The following LRP1B variants were observed in gnomAD, a reference collection of about 807,000 sequenced individuals.
The protein encoded by LRP1B is low-density lipoprotein receptor-related protein 1B.
LRP1B carries 217 observed loss-of-function variants against 556.6 expected under a neutral mutation model. That is an observed-to-expected ratio of 0.39 (90% confidence interval 0.35 to 0.44). LRP1B has a LOEUF of 0.44. Ranked by LOEUF, LRP1B falls within the 20% of genes least tolerant of loss-of-function variation. The probability of loss-of-function intolerance (pLI) is 1.00; values close to 1 mark genes in which losing one functional copy is unlikely to be tolerated. For missense variants in LRP1B, 5,053 were observed against 5,620.8 expected (o/e 0.90, Z 3.23); for synonymous variants, 2,047 against 1,865.8 (o/e 1.10, Z -2.50).
At chr2:142,087,157 A>G (rs1035942792) in intron 1 of LRP1B, among the ~76,000 whole-genome samples, 20 of 152,174 alleles carry the variant, frequency 1.3e-4, no homozygotes, top group African/African-American at 4.6e-4. Context: ...ACTTTTCGGA[A>G]TGTTATCCCC....
chr2:140,364,910 T>A, intron 71 of LRP1B, 127 bp from the exon 72 acceptor site: 2 of 686,726 alleles, frequency 2.9e-6, no homozygotes, highest in Non-Finnish European at 4.7e-6. Flanking sequence ...ATTATATTTA[T>A]TTCAAGCATA....
chr2:140,600,799 A>T, intron 42 of LRP1B, among the ~76,000 whole-genome samples: 5 of 51,782 alleles, frequency 9.7e-5, no homozygotes, highest in African/African-American at 1.3e-4. Context: ...TTTTTACATA[A>T]CTGCTTTCTT....
At chr2:141,553,171 A>G (rs532672521) in intron 2 of LRP1B, among the ~76,000 whole-genome samples, 30 of 151,958 alleles carry the variant, frequency 2.0e-4, no homozygotes, top group African/African-American at 7.2e-4. Flanking sequence ...ACTGCTGCCT[A>G]TAACTGATAA....
chr2:140,854,777 C>A lies in LRP1B; in HGVS notation c.4580-2994G>T, dbSNP rs139419422. Among the ~76,000 whole-genome samples, 3 of 152,228 alleles carry A rather than the reference C, an allele frequency of 2.0e-5. No homozygotes were observed. The East Asian group carries it at 5.8e-4, about 29-fold the overall frequency. ...GCTTCAATAAAAACCACATGGCCCA[C>A]AAAGCCTTATAATATGTACCTATTA... is the stretch of plus-strand genomic sequence containing the variant. On this transcript the variant is annotated intron_variant, in intron 27 of 90. Coordinates refer to ENST00000389484, the MANE Select transcript of LRP1B (RefSeq NM_018557.3).
intron 7 of LRP1B, among the ~76,000 whole-genome samples, chr2:141,065,224 C>T (rs1300440909): frequency 6.6e-6 from 1 of 151,934 alleles, no homozygotes; most frequent in East Asian, 1.9e-4. Context: ...TGAGCCACTT[C>T]AGAGTAAACT....
intron 2 of LRP1B, among the ~76,000 whole-genome samples, chr2:141,683,835 T>A (rs1691189962): frequency 6.6e-6 from 1 of 152,056 alleles, no homozygotes; most frequent in Non-Finnish European, 1.5e-5. Context: ...TTAAAAGGAT[T>A]AAAACTGCCC....
chr2:141,715,802 T>G (rs965876887), intron 2 of LRP1B, among the ~76,000 whole-genome samples: 1 of 151,856 alleles, frequency 6.6e-6, no homozygotes, highest in Non-Finnish European at 1.5e-5. Flanking sequence ...GTGACAAGAG[T>G]GAAACTCCGT....
At chr2:140,234,934 C>A (rs2104875094) in intron 89 of LRP1B, 50 bp from the exon 90 acceptor site, 2 of 739,676 alleles carry the variant, frequency 2.7e-6, no homozygotes, top group Non-Finnish European at 2.5e-6. Context: ...TATAGAATCA[C>A]TTTTCATCGA....
intron 43 of LRP1B, among the ~76,000 whole-genome samples, chr2:140,597,986 C>T (rs2105186227): frequency 6.6e-6 from 1 of 152,212 alleles, no homozygotes; most frequent in Admixed American, 6.5e-5. Context: ...TGTAGCCACC[C>T]AGATCTAACC....
chr2:140,396,586 C>A (rs535989330), intron 66 of LRP1B, among the ~76,000 whole-genome samples: 1 of 152,190 alleles, frequency 6.6e-6, no homozygotes, highest in South Asian at 2.1e-4. Flanking sequence ...CTACTAAAAA[C>A]TGAAGGGAAA....
intron 35 of LRP1B, among the ~76,000 whole-genome samples, chr2:140,746,556 A>G (rs1336865307): frequency 6.6e-6 from 1 of 152,204 alleles, no homozygotes; most frequent in East Asian, 1.9e-4. Flanking sequence ...CTGATAAGCT[A>G]GAAATGATGC....
At chr2:141,242,448 C>G (rs1269841174) in intron 5 of LRP1B, among the ~76,000 whole-genome samples, 1 of 152,070 alleles carries the variant, frequency 6.6e-6, no homozygotes, top group South Asian at 2.1e-4. Context: ...CGTTCCCTGA[C>G]CCCAACACTG....
intron 79 of LRP1B, among the ~76,000 whole-genome samples, chr2:140,333,322 A>G (rs1680909017): frequency 6.6e-6 from 1 of 152,088 alleles, no homozygotes; most frequent in African/African-American, 2.4e-5. Context: ...CATGTATAAC[A>G]ATGTGACAGT....
chr2:141,124,332 T>C (rs1274397445), intron 7 of LRP1B, among the ~76,000 whole-genome samples: 3 of 152,154 alleles, frequency 2.0e-5, no homozygotes, highest in Non-Finnish European at 2.9e-5. Context: ...CTCTTTTGTA[T>C]TGTTGCATCG....
At chr2:142,086,640 CA>C (rs55654885) in intron 1 of LRP1B, among the ~76,000 whole-genome samples, 100,483 of 147,622 alleles carry the variant, frequency 0.68, 34,707 homozygotes, top group East Asian at 0.91. Flanking sequence ...AACAAACAAA[CA>C]AAAAAAAAAC....
intron 68 of LRP1B, among the ~76,000 whole-genome samples, chr2:140,374,143 T>C (rs1006061434): frequency 1.3e-5 from 2 of 152,164 alleles, no homozygotes; most frequent in African/African-American, 2.4e-5. Flanking sequence ...AGGAGATAAA[T>C]GAAATGGAGT....
chr2:141,750,006 C>T (rs1694052489), intron 2 of LRP1B, among the ~76,000 whole-genome samples: 1 of 152,088 alleles, frequency 6.6e-6, no homozygotes. Flanking sequence ...TAAGCATTGG[C>T]AAACTAAAGA....
chr2:141,680,995 T>A (rs1691081166), intron 2 of LRP1B, among the ~76,000 whole-genome samples: 1 of 152,052 alleles, frequency 6.6e-6, no homozygotes, highest in South Asian at 2.1e-4. Context: ...ACTTTCATAA[T>A]CCTAAAAATA....
intron 13 of LRP1B, among the ~76,000 whole-genome samples, chr2:141,014,298 C>T (rs986981161): frequency 6.6e-5 from 10 of 152,008 alleles, no homozygotes; most frequent in African/African-American, 2.4e-4. Flanking sequence ...TAAACACAGA[C>T]ACATTTATTA....
Sources: gnomAD v4.1 joint callset for allele counts (sites outside exome capture counted in the v4.1 genomes callset) on GRCh38, gnomAD v4.1.1 for gene constraint, MANE v1.5 for transcripts, NCBI Gene and HGNC (gene_info 2026-07-23, HGNC 2026-07-21) for gene names.